NSD1: variants seen among roughly 807,000 people sequenced by gnomAD.
NSD1 encodes the protein histone-lysine N-methyltransferase, H3 lysine-36 specific.
In NSD1, 26 loss-of-function variants were observed where a neutral mutation model predicts 242.7. The ratio of observed to expected loss-of-function variants is 0.11; its 90% CI spans 0.08 to 0.15. The LOEUF is 0.15. NSD1 is among the 10% of genes least tolerant of loss of function. The probability of loss-of-function intolerance (pLI) is 1.00; values close to 1 mark genes in which losing one functional copy is unlikely to be tolerated. For missense variants in NSD1, 2,495 were observed against 3,272.8 expected (o/e 0.76, Z 5.80); for synonymous variants, 1,106 against 1,178.1 (o/e 0.94, Z 1.25).
chr5:177,170,954 G>T (rs1759652152), intron 2 of NSD1, among the ~76,000 whole-genome samples: 1 of 151,124 alleles, frequency 6.6e-6, no homozygotes, highest in South Asian at 2.1e-4. Context: ...ATAAAGTGGA[G>T]CCAATTTTAG....
Position 177,257,169 on chromosome 5 carries a change from G to A in NSD1, c.4966+18G>A. Reference sequence around the variant, plus strand: ...ATCTAAAGGTATGGATTTCTTATGTGGACCAGTCTAATTGTAAAACCTCAG... The same window carrying A: ...ATCTAAAGGTATGGATTTCTTATGTAGACCAGTCTAATTGTAAAACCTCAG... On this transcript the variant is annotated intron_variant, in intron 13 of 22. Transcript: ENST00000439151. 6.3e-7 allele frequency: 1 copy of A among 1,597,914 alleles called. No individual in the cohort carries two copies. The highest frequency in any genetic ancestry group is 8.6e-7 in the Non-Finnish European group (1 of 1,166,126).
intron 2 of NSD1, among the ~76,000 whole-genome samples, chr5:177,148,060 C>T (rs1026778892): frequency 6.6e-6 from 1 of 151,362 alleles, no homozygotes; most frequent in Non-Finnish European, 1.5e-5. Context: ...TAAGTTTTCA[C>T]TTCTCTGGGA....
intron 18 of NSD1, among the ~76,000 whole-genome samples, chr5:177,281,606 G>A (rs1198850788): frequency 1.3e-5 from 2 of 152,102 alleles, no homozygotes; most frequent in South Asian, 4.1e-4. Flanking sequence ...CTCTAGAGAT[G>A]TGTGACAAAG....
intron 2 of NSD1, among the ~76,000 whole-genome samples, chr5:177,173,626 A>C (rs1186238915): frequency 6.6e-6 from 1 of 151,928 alleles, no homozygotes; most frequent in East Asian, 2.0e-4. Context: ...GGCACGTGCC[A>C]CCACACCCAG....
chr5:177,158,133 G>A lies in NSD1; in HGVS notation c.927+22103G>A, dbSNP rs148848981. On this transcript the variant is annotated intron_variant, in intron 2 of 22. Coordinates refer to ENST00000439151, the MANE Select transcript of NSD1 (RefSeq NM_022455.5). ...GAAAATACCTAGAAGTGGTATTGTCGGATCATAGGGTCATTCTATGTTTAG... is the reference window on the plus strand; with the variant it reads ...GAAAATACCTAGAAGTGGTATTGTCAGATCATAGGGTCATTCTATGTTTAG... Among the ~76,000 whole-genome samples the A allele has an allele frequency of 6.0e-4, 91 of 152,178 alleles. 1 individual carries two copies. The East Asian group carries it at 0.015, about 25-fold the overall frequency.
chr5:177,177,537 C>G (rs955890136), intron 2 of NSD1, among the ~76,000 whole-genome samples: 1 of 151,778 alleles, frequency 6.6e-6, no homozygotes, highest in African/African-American at 2.4e-5. Context: ...CAAAACAAAA[C>G]AAAAAAACAG....
intron 2 of NSD1, among the ~76,000 whole-genome samples, chr5:177,152,081 C>G (rs1199057716): frequency 1.3e-5 from 2 of 151,830 alleles, no homozygotes; most frequent in Non-Finnish European, 2.9e-5. Flanking sequence ...AGGATAGTCT[C>G]GTTCTCCTGA....
At chr5:177,204,439 C>T (rs563469106) in intron 4 of NSD1, 147 bp downstream of exon 4, 13 of 716,996 alleles carry the variant, frequency 1.8e-5, no homozygotes, top group East Asian at 1.5e-4. Context: ...CTGCAACCTC[C>T]GCGTCCCAGG....
chr5:177,290,928 T>G (rs1462195098), intron 21 of NSD1, among the ~76,000 whole-genome samples: 1 of 152,190 alleles, frequency 6.6e-6, no homozygotes, highest in Non-Finnish European at 1.5e-5. Context: ...TTCAGCATCC[T>G]TGATGTCTGC....
Position 177,209,762 on chromosome 5 carries a change from A to G in NSD1, c.1363A>G (p.Met455Val), listed in dbSNP as rs546116718. 3 of 1,614,180 alleles carry G rather than the reference A, an allele frequency of 1.9e-6. No homozygotes were observed. Among genetic ancestry groups the G allele is most frequent in the African/African-American group, 1.3e-5 (1 of 75,076 alleles). ...GSIKLDSEED[M>V]PFEDCTNDPE... The stretch of plus-strand genomic sequence containing the variant: ...AATCAAGTTGGACAGTGAAGAAGAT[A>G]TGCCATTTGAAGACTGCACAAATGA... The change falls in exon 5 of 23, where the codon ATG becomes GTG. Residue 455 changes from methionine to valine, a missense_variant. Coordinates refer to ENST00000439151, the MANE Select transcript of NSD1 (RefSeq NM_022455.5).
intron 2 of NSD1, among the ~76,000 whole-genome samples, chr5:177,154,957 A>G (rs1274164228): frequency 1.3e-5 from 2 of 151,248 alleles, no homozygotes; most frequent in African/African-American, 4.9e-5. Context: ...CAGCCTCCCA[A>G]AGTGCTGGGA....
chr5:177,274,991 C>T (rs1309140710), intron 17 of NSD1, among the ~76,000 whole-genome samples: 1 of 151,918 alleles, frequency 6.6e-6, no homozygotes. Context: ...GCCACAGCCT[C>T]CCAAAGTGCT....
chr5:177,179,051 T>A (rs2431501), intron 2 of NSD1, among the ~76,000 whole-genome samples: 116,597 of 152,084 alleles, frequency 0.77, 46,089 homozygotes, highest in East Asian at 1. Flanking sequence ...CCTTAGATTG[T>A]AAAGTATGAT....
chr5:177,145,281 A>G (rs75195094), intron 2 of NSD1, among the ~76,000 whole-genome samples: 1 of 138,458 alleles, frequency 7.2e-6, no homozygotes, highest in Admixed American at 7.3e-5. Flanking sequence ...ATGTAACAAG[A>G]TTTTTTTTTT....
intron 5 of NSD1, among the ~76,000 whole-genome samples, chr5:177,215,069 C>CT (rs1402994061): frequency 6.6e-6 from 1 of 152,028 alleles, no homozygotes; most frequent in African/African-American, 2.4e-5. Context: ...AGCATCTTTT[C>CT]TTTATCAGTT....
intron 4 of NSD1, among the ~76,000 whole-genome samples, chr5:177,209,071 G>C (rs762328851): frequency 2.6e-5 from 4 of 152,010 alleles, no homozygotes; most frequent in Non-Finnish European, 5.9e-5. Flanking sequence ...ATGCAGGGAG[G>C]GTGGAGTGTT....
intron 3 of NSD1, among the ~76,000 whole-genome samples, chr5:177,202,709 T>A (rs1762599881): frequency 1.3e-5 from 2 of 152,202 alleles, no homozygotes; most frequent in African/African-American, 4.8e-5. Context: ...GGGAGAGTGA[T>A]TTAATTCTCA....
At chr5:177,287,404 G>A (rs1173881094) in intron 20 of NSD1, among the ~76,000 whole-genome samples, 1 of 152,244 alleles carries the variant, frequency 6.6e-6, no homozygotes, top group East Asian at 1.9e-4. Context: ...ACTTTGGGAG[G>A]CCAAGGTGGG....
chr5:177,269,016 A>G lies in NSD1; in HGVS notation c.5304-586A>G, dbSNP rs921380341. Reference sequence around the variant, plus strand: ...ATATACTTAGGGCCTTCTCTAGGGCATTCTCTGGAGTAAAGTAGGTAGATA... The same window carrying G: ...ATATACTTAGGGCCTTCTCTAGGGCGTTCTCTGGAGTAAAGTAGGTAGATA... On this transcript the variant is annotated intron_variant, in intron 15 of 22. Coordinates refer to ENST00000439151, the MANE Select transcript of NSD1 (RefSeq NM_022455.5). This position sits in a 1 kb window ranked among gnomAD's most constrained non-coding sequence, Gnocchi z 5.1. Among the ~76,000 whole-genome samples the G allele has an allele frequency of 6.6e-6, 1 of 152,180 alleles. No individual in the cohort carries two copies. The highest frequency in any genetic ancestry group is 2.4e-5 in the African/African-American group (1 of 41,432).
Sources: gnomAD v4.1 joint callset for allele counts (sites outside exome capture counted in the v4.1 genomes callset) on GRCh38, gnomAD v4.1.1 for gene constraint, Gnocchi (gnomAD v3.1) non-coding constraint, MANE v1.5 for transcripts, NCBI Gene and HGNC (gene_info 2026-07-23, HGNC 2026-07-21) for gene names.